Variants in ANK1 observed in about 807,000 individuals in gnomAD.
The protein encoded by ANK1 is ankyrin-1.
Under a neutral mutation model 210.4 loss-of-function variants are expected in ANK1, and 51 were observed. The ratio of observed to expected loss-of-function variants is 0.24; its 90% CI spans 0.19 to 0.31. The LOEUF is 0.31. Among genes scored for constraint, ANK1 ranks in the 10% least tolerant of loss-of-function variants. The probability of loss-of-function intolerance (pLI) is 1.00; values close to 1 mark genes in which losing one functional copy is unlikely to be tolerated. For synonymous variants in ANK1, 967 were observed against 1,025.9 expected (o/e 0.94, Z 1.10); for missense variants, 2,051 against 2,504.4 (o/e 0.82, Z 3.86).
intron 32 of ANK1, 46 bp from the exon 33 acceptor site, chr8:41,690,392 C>T (rs766324849): frequency 6.2e-7 from 1 of 1,614,088 alleles, no homozygotes; most frequent in East Asian, 2.2e-5. Context: ...CTTTTCTAGG[C>T]CACCCGGCTG....
At chr8:41,678,853 G>A (rs1458321165) in intron 37 of ANK1, among the ~76,000 whole-genome samples, 4 of 152,050 alleles carry the variant, frequency 2.6e-5, no homozygotes, top group Admixed American at 1.3e-4. Flanking sequence ...ACACTATCTC[G>A]GCTCACTGCC....
intron 31 of ANK1, 31 bp downstream of exon 31, chr8:41,692,617 C>A: frequency 6.3e-7 from 1 of 1,596,988 alleles, no homozygotes; most frequent in Non-Finnish European, 8.6e-7. Flanking sequence ...ACGGTTTGTC[C>A]CAGAGGCGGT....
At chr8:41,767,007 CCCCCCT>C (rs1214356525) in intron 1 of ANK1, among the ~76,000 whole-genome samples, 1 of 152,148 alleles carries the variant, frequency 6.6e-6, no homozygotes, top group African/African-American at 2.4e-5. Context: ...CAGGGCCCGG[CCCCCCT>C]CGGGGCACCC....
intron 1 of ANK1, among the ~76,000 whole-genome samples, chr8:41,888,687 T>C (rs1443432295): frequency 6.6e-6 from 1 of 152,234 alleles, no homozygotes; most frequent in Non-Finnish European, 1.5e-5. Flanking sequence ...GATGATGTGG[T>C]GAACAGAGAA....
chr8:41,659,208 AC>A (rs1806925411), intron 42 of ANK1, among the ~76,000 whole-genome samples: 1 of 152,238 alleles, frequency 6.6e-6, no homozygotes, highest in African/African-American at 2.4e-5. Context: ...GCCTTCTTGC[AC>A]TTCGCACCAG....
At chr8:41,890,708 C>CAAAAAAAAAAA (rs557921949) in intron 1 of ANK1, among the ~76,000 whole-genome samples, 1 of 62,998 alleles carries the variant, frequency 1.6e-5, no homozygotes. Flanking sequence ...GACTCCGTCT[C>CAAAAAAAAAAA]AAAAAAAAAA....
intron 39 of ANK1, among the ~76,000 whole-genome samples, chr8:41,667,080 G>A (rs912678343): frequency 2.6e-5 from 4 of 152,244 alleles, no homozygotes; most frequent in African/African-American, 9.6e-5. Context: ...TGTGCTCTGG[G>A]AGCAGGAGAA....
intron 3 of ANK1, among the ~76,000 whole-genome samples, chr8:41,728,897 C>T (rs976527320): frequency 3.3e-5 from 5 of 152,202 alleles, no homozygotes; most frequent in African/African-American, 1.2e-4. Context: ...TTCCGCGGAC[C>T]TGCAGCTCCG....
chr8:41,724,420 C>G lies in ANK1; in HGVS notation c.711+36G>C. The G allele has an allele frequency of 2.6e-6, 4 of 1,521,304 alleles. 1 individual carries two copies. In the South Asian group the frequency reaches 4.8e-5, roughly 18 times the overall value. 94.2% of individuals were successfully genotyped at this position (1,521,304 alleles called of 1,614,324 possible). A position where few individuals can be genotyped will look rare whatever the true frequency, so the allele number is the denominator to read the frequency against. Reference sequence around the variant, plus strand: ...GCAGGAGCAACTGCCAGCCCCAAGCCCCCGGACAGTGAGGGCGCACGTGCC... The same window carrying G: ...GCAGGAGCAACTGCCAGCCCCAAGCGCCCGGACAGTGAGGGCGCACGTGCC... On this transcript the variant is annotated intron_variant, in intron 7 of 42. Transcript: ENST00000289734.
At chr8:41,849,353 G>A (rs147338405) in intron 1 of ANK1, among the ~76,000 whole-genome samples, 24 of 152,246 alleles carry the variant, frequency 1.6e-4, no homozygotes, top group Non-Finnish European at 2.6e-4. Flanking sequence ...GTGAAACCCC[G>A]TCTCTACTAA....
chr8:41,700,473 C>T (rs763889593), intron 22 of ANK1: 13 of 1,612,900 alleles, frequency 8.1e-6, no homozygotes, highest in Non-Finnish European at 9.3e-6. Context: ...CAAAGGAGAG[C>T]AGAATTGAAA....
intron 38 of ANK1, among the ~76,000 whole-genome samples, chr8:41,669,212 T>C (rs1341875718): frequency 6.6e-6 from 1 of 151,808 alleles, no homozygotes; most frequent in Non-Finnish European, 1.5e-5. Context: ...ATCTCTACAC[T>C]CAGCGTGCCT....
At chr8:41,848,943 G>A (rs553116317) in intron 1 of ANK1, among the ~76,000 whole-genome samples, 1 of 152,306 alleles carries the variant, frequency 6.6e-6, no homozygotes, top group Middle Eastern at 3.4e-3. Flanking sequence ...CATTGCCCCT[G>A]GTGCGACCTG....
chr8:41,883,634 AT>A (rs1264484428), intron 1 of ANK1, among the ~76,000 whole-genome samples: 1 of 151,998 alleles, frequency 6.6e-6, no homozygotes, highest in Non-Finnish European at 1.5e-5. Context: ...TAATTTTTAA[AT>A]TTTTTGTAGA....
At chr8:41,684,791 A>AT in intron 36 of ANK1, 101 bp from the exon 37 acceptor site, 10 of 1,482,376 alleles carry the variant, frequency 6.7e-6, no homozygotes, top group South Asian at 1.2e-5. Context: ...AAAGGAGATA[A>AT]TTTTTTTCAG....
chr8:41,738,792 G>A (rs937002134), intron 2 of ANK1, among the ~76,000 whole-genome samples: 6 of 152,128 alleles, frequency 3.9e-5, no homozygotes, highest in Non-Finnish European at 5.9e-5. Context: ...GAATCTTTTC[G>A]GCGACTCCAT....
intron 1 of ANK1, among the ~76,000 whole-genome samples, chr8:41,803,057 G>GGAAGGAAGGA (rs1554630943): frequency 8.3e-5 from 3 of 36,116 alleles, no homozygotes; most frequent in African/African-American, 3.1e-4. Context: ...GAAAGAAAGA[G>GGAAGGAAGGA]AGAAAGGAAG....
At chr8:41,875,221 C>T (rs1401297050) in intron 1 of ANK1, among the ~76,000 whole-genome samples, 1 of 152,174 alleles carries the variant, frequency 6.6e-6, no homozygotes, top group Non-Finnish European at 1.5e-5. Context: ...CCTCTTGTCC[C>T]CCACAGGAGA....
chr8:41,865,269 G>A (rs933564529), intron 1 of ANK1, among the ~76,000 whole-genome samples: 4 of 152,156 alleles, frequency 2.6e-5, no homozygotes, highest in Admixed American at 1.3e-4. Context: ...ACATTTTCAG[G>A]AACTGCATTT....
Sources: gnomAD v4.1 joint callset for allele counts (sites outside exome capture counted in the v4.1 genomes callset) on GRCh38, gnomAD v4.1.1 for gene constraint, MANE v1.5 for transcripts, NCBI Gene and HGNC (gene_info 2026-07-23, HGNC 2026-07-21) for gene names.